Variants in ZNF644 observed in about 807,000 individuals in gnomAD.
The protein encoded by ZNF644 is zinc finger motif enhancer binding protein 2.
In ZNF644, 20 loss-of-function variants were observed where a neutral mutation model predicts 108.0. That is an observed-to-expected ratio of 0.19 (90% CI 0.13 to 0.27). ZNF644 has a LOEUF of 0.27. Ranked by LOEUF, ZNF644 falls within the 10% of genes least tolerant of loss-of-function variation. The probability of loss-of-function intolerance (pLI) is 1.00; values close to 1 mark genes in which losing one functional copy is unlikely to be tolerated. For missense variants in ZNF644, 1,338 were observed against 1,548.9 expected (o/e 0.86, Z 2.29); for synonymous variants, 542 against 539.1 (o/e 1.01, Z -0.08).
intron 4 of ZNF644, among the ~76,000 whole-genome samples, chr1:90,932,054 T>C (rs569348803): frequency 4.6e-5 from 7 of 152,246 alleles, no homozygotes; most frequent in South Asian, 2.1e-4. Context: ...CCAGTAAAGA[T>C]TGAGAACCAT....
intron 1 of ZNF644, among the ~76,000 whole-genome samples, chr1:91,003,902 A>G (rs1308992561): frequency 6.6e-6 from 1 of 152,132 alleles, no homozygotes. Context: ...AAAGATAAAA[A>G]ATTATGAGAA....
chr1:91,020,014 C>T (rs1275269797), intron 1 of ZNF644, among the ~76,000 whole-genome samples: 1 of 152,068 alleles, frequency 6.6e-6, no homozygotes, highest in Non-Finnish European at 1.5e-5. Context: ...CAAATACAAA[C>T]AGCAATGGGT....
intron 1 of ZNF644, among the ~76,000 whole-genome samples, chr1:91,009,377 A>C (rs1358556686): frequency 6.6e-6 from 1 of 152,136 alleles, no homozygotes; most frequent in Non-Finnish European, 1.5e-5. Context: ...CTGTTTTTCT[A>C]ATTCTTCTAT....
Position 90,995,062 on chromosome 1 carries a change from G to T in ZNF644, c.-17-12692C>A, listed in dbSNP as rs1479055219. On this transcript the variant is annotated intron_variant, in intron 1 of 5. Transcript: ENST00000337393. Reference sequence around the variant, plus strand: ...AGGCAAAAAATACATGATATGCAAAGAAAGAGGAAAATGTGACCCAGACTC... The same window carrying T: ...AGGCAAAAAATACATGATATGCAAATAAAGAGGAAAATGTGACCCAGACTC... 2.0e-5 allele frequency among the ~76,000 whole-genome samples: 3 copies of T among 152,030 alleles called. No homozygotes were observed. In the East Asian group the frequency reaches 5.8e-4, roughly 29 times the overall value.
rs111725394 is a variant in ZNF644 at position 90,984,435 on chromosome 1, C to CT, written c.-17-2066dup. On this transcript the variant is annotated intron_variant, in intron 1 of 5. Coordinates refer to ENST00000337393, the MANE Select transcript of ZNF644 (RefSeq NM_201269.3). The stretch of plus-strand genomic sequence containing the variant: ...GGCCTTTACCCAATATGACTGGTGT[C>CT]TTTTTTTTTTTTGGAGACAGAGGCT... Among the ~76,000 whole-genome samples, 394 of 144,686 alleles carry CT rather than the reference C, an allele frequency of 2.7e-3. 2 individuals carry two copies. Among genetic ancestry groups the CT allele is most frequent in the Middle Eastern group, 0.025 (7 of 276 alleles). 94.9% of individuals were successfully genotyped at this position (144,686 alleles called of 152,430 possible). A position where few individuals can be genotyped will look rare whatever the true frequency, so the allele number is the denominator to read the frequency against.
intron 2 of ZNF644, among the ~76,000 whole-genome samples, chr1:90,959,290 G>C (rs1196032247): frequency 6.6e-6 from 1 of 152,138 alleles, no homozygotes; most frequent in Non-Finnish European, 1.5e-5. Context: ...TAGAGAAACA[G>C]AGACCCTCAT....
chr1:90,966,146 C>T (rs1008301228), intron 2 of ZNF644, among the ~76,000 whole-genome samples: 5 of 152,300 alleles, frequency 3.3e-5, no homozygotes, highest in Middle Eastern at 3.4e-3. Flanking sequence ...GAAGCTCTTC[C>T]TCCAAATATA....
rs138195256 is a variant in ZNF644, at chr1:90,940,849, C to T, written c.505G>A (p.Ala169Thr). The part of the protein sequence containing the change: ...ADLQLSTPQK[A>T]SQHQVLFLLS... ...AAAAATAAAACTTGGTGTTGACTTG[C>T]TTTCTGTGGTGTAGACAGCTGAAGA... The change falls in exon 3 of 6, where the codon GCA becomes ACA. Residue 169 changes from alanine (A) to threonine (T), a missense_variant. Around this residue, in one of 6 missense-constraint regions of ZNF644, gnomAD observed 464 missense variants for 457.9 expected, o/e 1.01. Transcript: ENST00000337393. The T allele has an allele frequency of 2.5e-6, 4 of 1,614,018 alleles. No homozygotes were observed. The highest frequency in any genetic ancestry group is 1.3e-5 in the African/African-American group (1 of 75,044).
chr1:90,942,051 A>C (rs1476520113), intron 2 of ZNF644, among the ~76,000 whole-genome samples: 1 of 152,126 alleles, frequency 6.6e-6, no homozygotes, highest in Non-Finnish European at 1.5e-5. Context: ...AATTTTAGTA[A>C]AGCGAATTTT....
chr1:91,019,686 T>G (rs1373690390), intron 1 of ZNF644, among the ~76,000 whole-genome samples: 1 of 152,188 alleles, frequency 6.6e-6, no homozygotes, highest in African/African-American at 2.4e-5. Flanking sequence ...TTCTCCTGCC[T>G]CAGCCTCCCG....
At chr1:91,015,041 T>C (rs1660312946) in intron 1 of ZNF644, among the ~76,000 whole-genome samples, 1 of 152,210 alleles carries the variant, frequency 6.6e-6, no homozygotes, top group African/African-American at 2.4e-5. Context: ...CTAATAATTA[T>C]ATAATGGTAA....
At chr1:91,007,457 G>A (rs576146525) in intron 1 of ZNF644, among the ~76,000 whole-genome samples, 28 of 151,606 alleles carry the variant, frequency 1.8e-4, no homozygotes, top group African/African-American at 6.5e-4. Context: ...CAGGTGATCC[G>A]CCCACCTCGA....
rs41286765 is a variant in ZNF644 at position 90,940,690 on chromosome 1, C to T, written c.664G>A (p.Val222Ile). ...IKSDGTLINQ[V>I]EVGEDGEDLL... ...TCTTCACCATCCTCACCCACCTCTA[C>T]TTGATTTATTAAAGTGCCATCTGAC... Residue 222 changes from valine to isoleucine, a missense_variant, in exon 3 of 6, where the codon GTA becomes ATA. Transcript: ENST00000337393. 1,009 of 1,614,082 alleles carry T rather than the reference C, an allele frequency of 6.3e-4. No individual in the cohort carries two copies. The highest frequency in any genetic ancestry group is 7.9e-4 in the Non-Finnish European group (938 of 1,179,982).
chr1:90,978,390 G>T (rs1004974682), intron 2 of ZNF644, among the ~76,000 whole-genome samples: 2 of 151,276 alleles, frequency 1.3e-5, no homozygotes, highest in African/African-American at 4.9e-5. Context: ...AATACTAACT[G>T]TTACTTGGCA....
intron 4 of ZNF644, among the ~76,000 whole-genome samples, chr1:90,927,078 C>G (rs889179569): frequency 6.6e-6 from 1 of 152,066 alleles, no homozygotes; most frequent in African/African-American, 2.4e-5. Flanking sequence ...CTCTTCCCCA[C>G]CCCGACCCCC....
Position 90,939,982 on chromosome 1 carries a change from G to A in ZNF644, c.1372C>T (p.Arg458Ter). 6.2e-7 allele frequency: 1 copy of A among 1,613,972 alleles called. No individual in the cohort carries two copies. The highest frequency in any genetic ancestry group is 2.2e-5 in the East Asian group (1 of 44,876). Residue 458 changes from arginine (R) to a stop codon, truncating the protein, a stop_gained, in exon 3 of 6, where the codon CGA becomes TGA. Transcript: ENST00000337393. LOFTEE classifies it high-confidence loss of function. ...YACRECGRTF[R>*]DRNSLLKHMI... ...TGTTTTAGAAGTGAATTGCGATCTC[G>A]AAATGTCCGTCCACATTCTCTACAA...
chr1:90,937,622 C>A lies in ZNF644; in HGVS notation c.3551G>T (p.Arg1184Met), dbSNP rs761125089. Residue 1184 changes from arginine to methionine, a missense_variant, in exon 4 of 6, where the codon AGG becomes ATG. This residue lies in a region of ZNF644 where 287 missense variants were observed against 310.9 expected (regional missense o/e 0.92). Transcript: ENST00000337393. ...LLKNKRMGEE[R>M]NSAISPQKIH... ...CTTTTGAGGAGAAATAGCAGAATTC[C>A]TTTCTTCTCCCATCCTTTTATTTTT... The A allele has an allele frequency of 2.1e-5, 34 of 1,613,838 alleles. No individual in the cohort carries two copies. In the East Asian group the frequency reaches 2.7e-4, roughly 13 times the overall value.
At chr1:90,934,982 A>G (rs1480678414) in intron 4 of ZNF644, among the ~76,000 whole-genome samples, 2 of 152,160 alleles carry the variant, frequency 1.3e-5, no homozygotes, top group Non-Finnish European at 2.9e-5. Flanking sequence ...AGCACATTAT[A>G]GCCGCTAACT....
intron 2 of ZNF644, among the ~76,000 whole-genome samples, chr1:90,958,275 A>G (rs1653966215): frequency 1.3e-5 from 2 of 151,282 alleles, no homozygotes; most frequent in African/African-American, 4.8e-5. Flanking sequence ...TGTAACCAAG[A>G]AAGTAAAAGA....
Sources: allele counts gnomAD v4.1 joint callset (sites outside exome capture counted in the v4.1 genomes callset), GRCh38; gene constraint gnomAD v4.1.1; regional missense constraint gnomAD v4.1.1; transcripts MANE v1.5; gene names NCBI Gene and HGNC (gene_info 2026-07-23, HGNC 2026-07-21).